Variants in SNX29 observed in about 807,000 individuals in gnomAD.
SNX29 encodes sorting nexin-29.
A neutral mutation model predicts 102.1 loss-of-function variants in SNX29; 78 were observed. The observed-to-expected ratio is 0.76, with a 90% confidence interval of 0.64 to 0.92. The LOEUF is 0.92. Among genes scored for constraint, SNX29 ranks in the 40% least tolerant of loss-of-function variants. The pLI is 0.00. For missense variants in SNX29, 1,280 were observed against 1,061.7 expected, an observed-to-expected ratio of 1.21 and a Z score of -2.86; for synonymous variants, 580 against 414.5, an observed-to-expected ratio of 1.40 and a Z score of -4.85.
At chr16:12,540,838 C>T (rs920159995) in intron 20 of SNX29, among the ~76,000 whole-genome samples, 12 of 152,290 alleles carry the variant, frequency 7.9e-5, no homozygotes, top group Middle Eastern at 3.4e-3. Context: ...GAAACAAGAT[C>T]GCCTCCACCC....
At chr16:12,156,484 T>G (rs11642667) in intron 13 of SNX29, among the ~76,000 whole-genome samples, 1 of 152,034 alleles carries the variant, frequency 6.6e-6, no homozygotes, top group Non-Finnish European at 1.5e-5. Context: ...CTTGGAGTCT[T>G]AGGAAGGGGC....
intron 15 of SNX29, among the ~76,000 whole-genome samples, chr16:12,301,885 T>G (rs2080185237): frequency 1.3e-5 from 2 of 152,216 alleles, no homozygotes; most frequent in South Asian, 4.1e-4. Context: ...CCGAATACAC[T>G]TGATAGTCAC....
chr16:12,437,190 A>G (rs1159351789), intron 18 of SNX29, among the ~76,000 whole-genome samples: 1 of 152,226 alleles, frequency 6.6e-6, no homozygotes, highest in Non-Finnish European at 1.5e-5. Context: ...TGAATGTGGT[A>G]TGTTTCTTTC....
At chr16:12,496,507 CTTTT>C (rs537441350) in intron 19 of SNX29, among the ~76,000 whole-genome samples, 76 of 115,188 alleles carry the variant, frequency 6.6e-4, no homozygotes, top group Middle Eastern at 4.7e-3. Context: ...GCTCTCATGG[CTTTT>C]TTTTTTTTTT....
At chr16:12,244,083 A>T (rs1051059913) in intron 14 of SNX29, among the ~76,000 whole-genome samples, 2 of 152,158 alleles carry the variant, frequency 1.3e-5, no homozygotes, top group Non-Finnish European at 2.9e-5. Flanking sequence ...CGCAGCTCAC[A>T]ATACGGTTCA....
At chr16:12,453,854 A>AT (rs550718934) in intron 18 of SNX29, among the ~76,000 whole-genome samples, 40 of 152,000 alleles carry the variant, frequency 2.6e-4, no homozygotes, top group Non-Finnish European at 5.6e-4. Flanking sequence ...TATCTTTGGA[A>AT]TTTTTTTTGT....
intron 20 of SNX29, among the ~76,000 whole-genome samples, chr16:12,566,347 C>G (rs144281913): frequency 1.2e-4 from 18 of 152,294 alleles, no homozygotes; most frequent in East Asian, 3.9e-4. Context: ...GTCACCCCAC[C>G]GACTGCTACC....
At chr16:11,978,949 CAAAAG>C (rs1263945035) in intron 1 of SNX29, among the ~76,000 whole-genome samples, 2 of 149,644 alleles carry the variant, frequency 1.3e-5, no homozygotes, top group Non-Finnish European at 3.0e-5. Context: ...AACAAAAAAA[CAAAAG>C]AAAGAAAACT....
chr16:12,178,216 C>T (rs2141815552), intron 13 of SNX29, among the ~76,000 whole-genome samples: 1 of 152,276 alleles, frequency 6.6e-6, no homozygotes, highest in East Asian at 1.9e-4. Context: ...CTCGTGGTTA[C>T]AGGGACCGGG....
At chr16:12,271,214 A>G (rs2079083433) in intron 14 of SNX29, among the ~76,000 whole-genome samples, 2 of 152,230 alleles carry the variant, frequency 1.3e-5, no homozygotes, top group African/African-American at 2.4e-5. Context: ...GCTTAGCCAC[A>G]TGCCTGGCTC....
At chr16:12,397,450 C>T (rs754118749) in intron 16 of SNX29, among the ~76,000 whole-genome samples, 4 of 152,188 alleles carry the variant, frequency 2.6e-5, no homozygotes, top group Non-Finnish European at 4.4e-5. Context: ...GATACCTGTC[C>T]TCAGGTTCAC....
At chr16:12,058,802 T>G (rs1226498568) in intron 8 of SNX29, among the ~76,000 whole-genome samples, 3 of 139,064 alleles carry the variant, frequency 2.2e-5, no homozygotes, top group African/African-American at 7.8e-5. Flanking sequence ...CCTGGGTTTT[T>G]TTTTTTTTTT....
intron 13 of SNX29, among the ~76,000 whole-genome samples, chr16:12,149,524 G>A (rs975557200): frequency 6.6e-6 from 1 of 152,214 alleles, no homozygotes; most frequent in Admixed American, 6.5e-5. Flanking sequence ...GTAGTCGTCA[G>A]TAGATCAGAT....
At chr16:12,213,369 C>G (rs2077238796) in intron 14 of SNX29, among the ~76,000 whole-genome samples, 1 of 152,138 alleles carries the variant, frequency 6.6e-6, no homozygotes, top group Non-Finnish European at 1.5e-5. Flanking sequence ...CCTATTGGGT[C>G]TAGAGTACAT....
Position 12,359,924 on chromosome 16 carries a change from A to G in SNX29, c.1899+3645A>G, listed in dbSNP as rs2082254701. ...ATGCAACCTCCGCCTCCTGGGTTCA[A>G]GCAATTCTCATGCCTCAGCCTCCTG... On this transcript the variant is annotated intron_variant, in intron 16 of 20. Coordinates refer to ENST00000566228, the MANE Select transcript of SNX29 (RefSeq NM_032167.5). 2.0e-5 allele frequency among the ~76,000 whole-genome samples: 3 copies of G among 152,302 alleles called. No individual in the cohort carries two copies. In the South Asian group the frequency reaches 6.2e-4, roughly 32 times the overall value.
intron 18 of SNX29, among the ~76,000 whole-genome samples, chr16:12,422,431 G>A (rs566327663): frequency 1.3e-5 from 2 of 152,252 alleles, no homozygotes; most frequent in South Asian, 4.1e-4. Context: ...GGGCAGACTT[G>A]GTAACATAAC....
intron 14 of SNX29, among the ~76,000 whole-genome samples, chr16:12,224,930 C>T (rs1356406749): frequency 6.6e-6 from 1 of 152,162 alleles, no homozygotes; most frequent in Non-Finnish European, 1.5e-5. Flanking sequence ...CCTGAGCATT[C>T]TCCCATCAAA....
chr16:12,204,033 A>G (rs1242478804), intron 14 of SNX29, among the ~76,000 whole-genome samples: 1 of 152,182 alleles, frequency 6.6e-6, no homozygotes, highest in Non-Finnish European at 1.5e-5. Flanking sequence ...GCGTTAGTAC[A>G]CAATCAACAA....
At chr16:12,230,373 G>A (rs952051037) in intron 14 of SNX29, among the ~76,000 whole-genome samples, 1 of 152,166 alleles carries the variant, frequency 6.6e-6, no homozygotes, top group Non-Finnish European at 1.5e-5. Context: ...CTCTTCATTA[G>A]CAACCCATCT....
Sources: allele counts gnomAD v4.1 joint callset (sites outside exome capture counted in the v4.1 genomes callset), GRCh38; gene constraint gnomAD v4.1.1; transcripts MANE v1.5; gene names NCBI Gene and HGNC (gene_info 2026-07-23, HGNC 2026-07-21).